STK10: variants seen among roughly 807,000 people sequenced by gnomAD.
STK10 encodes serine/threonine kinase 10, also known as serine/threonine-protein kinase 10.
STK10 carries 78 observed loss-of-function variants against 113.8 expected under a neutral mutation model. The ratio of observed to expected loss-of-function variants is 0.69; its 90% CI spans 0.57 to 0.83. The LOEUF (loss-of-function observed/expected upper bound fraction) is 0.83, where lower values mean the gene tolerates loss of function less well. Ranked by LOEUF, STK10 falls within the 40% of genes least tolerant of loss-of-function variation. The pLI, the probability that STK10 is intolerant of heterozygous loss-of-function variation, is 0.00. For missense variants in STK10, 1,109 were observed against 1,280.1 expected, an observed-to-expected ratio of 0.87 and a Z score of 2.04; for synonymous variants, 465 against 494.7, an observed-to-expected ratio of 0.94 and a Z score of 0.80.
chr5:172,170,136 T>C (rs1770640965), intron 1 of STK10, among the ~76,000 whole-genome samples: 1 of 151,210 alleles, frequency 6.6e-6, no homozygotes, highest in Non-Finnish European at 1.5e-5. Flanking sequence ...TTTTTTTTTT[T>C]TTCAGTATGT....
intron 2 of STK10, among the ~76,000 whole-genome samples, chr5:172,134,527 T>G (rs965727021): frequency 6.6e-6 from 1 of 152,084 alleles, no homozygotes; most frequent in East Asian, 1.9e-4. Flanking sequence ...TGGACAAAAA[T>G]GACACCAAAA....
intron 14 of STK10, among the ~76,000 whole-genome samples, chr5:172,059,900 G>A (rs10475999): frequency 0.15 from 23,187 of 152,098 alleles, 2,381 homozygotes; most frequent in African/African-American, 0.29. Context: ...GGGTAGGCCC[G>A]GCTTCCTGAT....
At chr5:172,175,928 C>A (rs3776747) in intron 1 of STK10, among the ~76,000 whole-genome samples, 34,188 of 151,968 alleles carry the variant, frequency 0.22, 6,542 homozygotes, top group African/African-American at 0.52. Context: ...CATGGGGATA[C>A]GAGAAGAATA....
Position 172,083,045 on chromosome 5 carries a change from T to C in STK10, c.1725A>G (p.Glu575=). The change falls in exon 11 of 19, where the codon GAA becomes GAG. Residue 575 remains glutamate (E), a synonymous_variant. Coordinates refer to ENST00000176763, the MANE Select transcript of STK10 (RefSeq NM_005990.4). ...ELRELRLLQK[E]EHRNQTQLSN... is the part of the protein sequence containing the mutation. The stretch of plus-strand genomic sequence containing the variant: ...TCAGCTGGGTCTGGTTCCGATGCTC[T>C]TCTTTCTGGAGCAGCCGAAGCTCTC... 1.2e-6 allele frequency: 2 copies of C among 1,614,206 alleles called. No homozygotes were observed. Among genetic ancestry groups the C allele is most frequent in the Non-Finnish European group, 1.7e-6 (2 of 1,180,038 alleles).
chr5:172,172,894 C>T (rs1770686758), intron 1 of STK10, among the ~76,000 whole-genome samples: 3 of 152,002 alleles, frequency 2.0e-5, no homozygotes, highest in South Asian at 4.1e-4. Context: ...GCAGGAGAAT[C>T]GCTTGAACCC....
chr5:172,148,868 C>T (rs190161547), intron 2 of STK10, among the ~76,000 whole-genome samples: 65 of 152,348 alleles, frequency 4.3e-4, no homozygotes, highest in Admixed American at 3.5e-3. Context: ...TTGGTCTTCA[C>T]ATCTGTAAAA....
intron 18 of STK10, among the ~76,000 whole-genome samples, chr5:172,048,242 C>G (rs902806766): frequency 6.6e-6 from 1 of 152,106 alleles, no homozygotes; most frequent in Non-Finnish European, 1.5e-5. Context: ...GGGCCTCAAT[C>G]AGTTGAAGGC....
intron 2 of STK10, among the ~76,000 whole-genome samples, chr5:172,130,311 A>G (rs1168709086): frequency 1.3e-5 from 2 of 152,140 alleles, no homozygotes; most frequent in Non-Finnish European, 2.9e-5. Context: ...CAGGCAGATC[A>G]CCTGAGGTCA....
At position 172,188,170 on chromosome 5, in the gene STK10, T is replaced by G; in HGVS notation, c.-128A>C. On this transcript the variant is annotated 5_prime_UTR_variant, in exon 1 of 19. Coordinates refer to ENST00000176763, the MANE Select transcript of STK10 (RefSeq NM_005990.4). The surrounding 1 kb of genome is among the most constrained non-coding windows in gnomAD (Gnocchi z 5.6). ...CTCGGGGTTCTCCCCAGACCCGCCT[T>G]TCCCCGCAGCCCGACCTCGGTCAAG... is the stretch of plus-strand genomic sequence containing the variant. The G allele has an allele frequency of 1.4e-6, 2 of 1,426,610 alleles. No homozygotes were observed. Among genetic ancestry groups the G allele is most frequent in the Non-Finnish European group, 1.8e-6 (2 of 1,081,188 alleles). The allele number at this position is 1,426,610 out of a possible 1,614,324, so 88.4% of individuals were successfully genotyped here. A position where few individuals can be genotyped will look rare whatever the true frequency, so the allele number is the denominator to read the frequency against.
intron 18 of STK10, chr5:172,045,349 G>A (rs933868848): frequency 4.9e-5 from 25 of 514,808 alleles, no homozygotes; most frequent in African/African-American, 1.5e-4. Flanking sequence ...AGAAAAACCC[G>A]AGGGAGAAGA....
At chr5:172,111,204 C>A (rs866930029) in intron 4 of STK10, among the ~76,000 whole-genome samples, 2 of 152,028 alleles carry the variant, frequency 1.3e-5, no homozygotes, top group Admixed American at 6.5e-5. Flanking sequence ...GCCAGGCCCC[C>A]CTGTGGGCCT....
intron 3 of STK10, among the ~76,000 whole-genome samples, chr5:172,125,796 C>T (rs1025962973): frequency 2.0e-5 from 3 of 152,068 alleles, no homozygotes; most frequent in African/African-American, 4.8e-5. Context: ...GCCTATGAAG[C>T]GCCTTGAAGT....
chr5:172,174,316 C>G (rs866522251), intron 1 of STK10, among the ~76,000 whole-genome samples: 1 of 152,084 alleles, frequency 6.6e-6, no homozygotes, highest in African/African-American at 2.4e-5. Context: ...GGATTACAGG[C>G]GCGCACCATC....
At position 172,054,657 on chromosome 5, in the gene STK10, C is replaced by T. The variant is rs559847475; in HGVS notation, c.2564G>A (p.Arg855Gln). ...CTCGTGTTTCTGCTGTTGCTGCAGC[C>T]GCTCCGACTTCTGCCTCTTCTCCTC... ...QQEEKRQKSE[R>Q]LQQQQKHENQ... is the part of the protein sequence containing the mutation. Residue 855 changes from arginine (R) to glutamine (Q), a missense_variant, in exon 17 of 19, where the codon CGG (arginine) becomes CAG (glutamine). By Grantham distance (43) the Arg-to-Gln change is conservative. This residue lies in a region of STK10 where 885 missense variants were observed against 991.1 expected (regional missense o/e 0.89). Transcript: ENST00000176763. The T allele has an allele frequency of 1.3e-5, 21 of 1,611,044 alleles. No homozygotes were observed. The highest frequency in any genetic ancestry group is 1.1e-4 in the South Asian group (10 of 91,084).
intron 13 of STK10, among the ~76,000 whole-genome samples, chr5:172,062,824 T>C (rs1295379298): frequency 6.6e-6 from 1 of 152,240 alleles, no homozygotes; most frequent in African/African-American, 2.4e-5. Flanking sequence ...ATGGCGGAGA[T>C]GGCCGCACAA....
intron 4 of STK10, among the ~76,000 whole-genome samples, chr5:172,109,460 C>T (rs1769186334): frequency 6.6e-6 from 1 of 152,038 alleles, no homozygotes; most frequent in African/African-American, 2.4e-5. Flanking sequence ...CAGGTGTATG[C>T]CACCACACCC....
chr5:172,121,034 T>TG (rs929853568), intron 3 of STK10, among the ~76,000 whole-genome samples: 1 of 146,352 alleles, frequency 6.8e-6, no homozygotes, highest in African/African-American at 2.5e-5. Context: ...TTTCTTTCCT[T>TG]TTTTTTTTTT....
intron 15 of STK10, 115 bp from the exon 16 acceptor site, chr5:172,055,891 A>G (rs1347152548): frequency 2.5e-6 from 2 of 800,214 alleles, no homozygotes; most frequent in Admixed American, 3.9e-5. Flanking sequence ...GCAGCCCACA[A>G]TGTTCAGCAG....
At chr5:172,063,615 T>C (rs1440073906) in intron 13 of STK10, 3 of 152,330 alleles carry the variant, frequency 2.0e-5, no homozygotes, top group Non-Finnish European at 4.4e-5. Context: ...AGGGCCTGTG[T>C]GCCCCGCCCT....
Sources: allele counts gnomAD v4.1 joint callset (sites outside exome capture counted in the v4.1 genomes callset), GRCh38; gene constraint gnomAD v4.1.1; regional missense constraint gnomAD v4.1.1; non-coding constraint Gnocchi (gnomAD v3.1); transcripts MANE v1.5; gene names NCBI Gene and HGNC (gene_info 2026-07-23, HGNC 2026-07-21).